VWC2: variants seen among roughly 807,000 people sequenced by gnomAD.
VWC2 encodes von Willebrand factor C domain containing 2.
Under a neutral mutation model 29.8 loss-of-function variants are expected in VWC2, and 14 were observed. The ratio of observed to expected loss-of-function variants is 0.47; its 90% CI spans 0.31 to 0.74. VWC2 has a LOEUF of 0.74. Ranked by LOEUF, VWC2 falls within the 30% of genes least tolerant of loss-of-function variation. The probability of loss-of-function intolerance (pLI) is 0.05; values close to 1 mark genes in which losing one functional copy is unlikely to be tolerated. For synonymous variants in VWC2, 213 were observed against 199.0 expected, an observed-to-expected ratio of 1.07 and a Z score of -0.59; for missense variants, 457 against 459.8, an observed-to-expected ratio of 0.99 and a Z score of 0.05.
chr7:49,833,092 G>A (rs976573544), intron 3 of VWC2, among the ~76,000 whole-genome samples: 2 of 152,164 alleles, frequency 1.3e-5, no homozygotes, highest in Non-Finnish European at 2.9e-5. Flanking sequence ...AAGACGTGCT[G>A]ATGCATTGCA....
intron 3 of VWC2, among the ~76,000 whole-genome samples, chr7:49,866,847 A>T (rs1790913047): frequency 6.6e-6 from 1 of 152,218 alleles, no homozygotes; most frequent in Non-Finnish European, 1.5e-5. Flanking sequence ...CTTTCAACTC[A>T]GACAACCCGA....
intron 3 of VWC2, among the ~76,000 whole-genome samples, chr7:49,911,168 G>A (rs924489571): frequency 3.3e-5 from 5 of 152,276 alleles, no homozygotes; most frequent in African/African-American, 1.2e-4. Flanking sequence ...GTTAATGAAA[G>A]TCACAGTGTT....
chr7:49,827,084 A>G (rs1789411801), intron 3 of VWC2, among the ~76,000 whole-genome samples: 1 of 152,104 alleles, frequency 6.6e-6, no homozygotes, highest in Non-Finnish European at 1.5e-5. Context: ...GTTTTTACAT[A>G]TGCTTATTAC....
At chr7:49,778,509 T>A (rs1788100262) in intron 2 of VWC2, among the ~76,000 whole-genome samples, 1 of 152,244 alleles carries the variant, frequency 6.6e-6, no homozygotes, top group South Asian at 2.1e-4. Flanking sequence ...TTAGAGCATG[T>A]TTGCTCATTT....
intron 3 of VWC2, among the ~76,000 whole-genome samples, chr7:49,904,182 G>C (rs1176933260): frequency 6.6e-6 from 1 of 152,178 alleles, no homozygotes; most frequent in Non-Finnish European, 1.5e-5. Context: ...TATGTCTGCA[G>C]CTCAACTTTA....
chr7:49,873,516 C>T (rs573161676), intron 3 of VWC2, among the ~76,000 whole-genome samples: 1 of 152,318 alleles, frequency 6.6e-6, no homozygotes, highest in African/African-American at 2.4e-5. Flanking sequence ...CACAAACATT[C>T]AGACCATTGC....
Position 49,920,558 on chromosome 7 carries a change from G to C in VWC2, c.*8373G>C, listed in dbSNP as rs1011887590. The C allele has an allele frequency of 6.6e-6, 1 of 152,238 alleles. No homozygotes were observed. Among genetic ancestry groups the C allele is most frequent in the African/African-American group, 2.4e-5 (1 of 41,468 alleles). The allele number at this position is 152,238 out of a possible 1,614,324, so 9.4% of individuals were successfully genotyped here. On this transcript the variant is annotated 3_prime_UTR_variant, in exon 4 of 4. Transcript: ENST00000340652. Reference sequence around the variant, plus strand: ...GTCCACGGAAAGCTGGACCTAAGCAGTGAAGGATGTAAGGGAACAGAGAGA... The same window carrying C: ...GTCCACGGAAAGCTGGACCTAAGCACTGAAGGATGTAAGGGAACAGAGAGA...
chr7:49,841,947 T>C (rs34907750), intron 3 of VWC2, among the ~76,000 whole-genome samples: 32,864 of 151,830 alleles, frequency 0.22, 5,381 homozygotes, highest in African/African-American at 0.46. Flanking sequence ...GCTCACTGCA[T>C]CCTCCACCTC....
At chr7:49,854,695 T>C (rs547819505) in intron 3 of VWC2, among the ~76,000 whole-genome samples, 1 of 152,382 alleles carries the variant, frequency 6.6e-6, no homozygotes, top group African/African-American at 2.4e-5. Context: ...TTTCTTTTGC[T>C]GTGCAGAAGC....
intron 3 of VWC2, among the ~76,000 whole-genome samples, chr7:49,803,467 T>A (rs1788793829): frequency 1.3e-5 from 2 of 152,224 alleles, no homozygotes; most frequent in African/African-American, 2.4e-5. Context: ...CCAGGCTGGC[T>A]GGGCCTGAGA....
At chr7:49,902,083 C>G (rs558864443) in intron 3 of VWC2, among the ~76,000 whole-genome samples, 1 of 151,942 alleles carries the variant, frequency 6.6e-6, no homozygotes, top group Admixed American at 6.5e-5. Context: ...CCATAAAAGT[C>G]GTAGAAGATC....
At chr7:49,884,686 C>G (rs755131651) in intron 3 of VWC2, among the ~76,000 whole-genome samples, 2 of 152,160 alleles carry the variant, frequency 1.3e-5, no homozygotes, top group Non-Finnish European at 2.9e-5. Flanking sequence ...TGCTGCCTGA[C>G]TGTGTCAACA....
intron 2 of VWC2, among the ~76,000 whole-genome samples, chr7:49,781,428 T>G (rs1189212660): frequency 6.6e-6 from 1 of 152,212 alleles, no homozygotes; most frequent in East Asian, 1.9e-4. Flanking sequence ...GAATCAATAT[T>G]TATCTAGTGC....
intron 3 of VWC2, among the ~76,000 whole-genome samples, chr7:49,883,232 T>A (rs1791750287): frequency 6.6e-6 from 1 of 152,074 alleles, no homozygotes; most frequent in South Asian, 2.1e-4. Context: ...AAGCGGAACC[T>A]AACCCAGGGA....
chr7:49,820,592 A>G (rs1789242166), intron 3 of VWC2, among the ~76,000 whole-genome samples: 1 of 152,232 alleles, frequency 6.6e-6, no homozygotes, highest in Admixed American at 6.5e-5. Context: ...ATGTTTCATT[A>G]GTAACATTTT....
intron 3 of VWC2, among the ~76,000 whole-genome samples, chr7:49,837,769 G>A (rs908532453): frequency 3.3e-5 from 5 of 152,140 alleles, no homozygotes; most frequent in East Asian, 1.9e-4. Flanking sequence ...TCCAGTAGCC[G>A]AGGGGGTGGA....
chr7:49,861,402 A>G (rs965112568), intron 3 of VWC2, among the ~76,000 whole-genome samples: 4 of 152,166 alleles, frequency 2.6e-5, no homozygotes, highest in Non-Finnish European at 5.9e-5. Flanking sequence ...CCCTTATCAA[A>G]TATATGATTT....
intron 3 of VWC2, among the ~76,000 whole-genome samples, chr7:49,883,324 G>A (rs994552800): frequency 5.9e-5 from 9 of 151,986 alleles, no homozygotes; most frequent in Non-Finnish European, 1.3e-4. Context: ...TTAGCAAGCT[G>A]CAATATTGAC....
rs1362039769 is a variant in VWC2 at position 49,920,919 on chromosome 7, T to C, written c.*8734T>C. Reference sequence around the variant, plus strand: ...ATAGGGGAAATGTACTAAAATGTTGTACTTATTACATTTATGAATTTCTGA... The same window carrying C: ...ATAGGGGAAATGTACTAAAATGTTGCACTTATTACATTTATGAATTTCTGA... On this transcript the variant is annotated 3_prime_UTR_variant, in exon 4 of 4. Coordinates refer to ENST00000340652, the MANE Select transcript of VWC2 (RefSeq NM_198570.5). 1 of 152,214 alleles carries C rather than the reference T, an allele frequency of 6.6e-6. No homozygotes were observed. Among genetic ancestry groups the C allele is most frequent in the African/African-American group, 2.4e-5 (1 of 41,456 alleles). 9.4% of individuals were successfully genotyped at this position (152,214 alleles called of 1,614,324 possible).
Sources: gnomAD v4.1 joint callset for allele counts (sites outside exome capture counted in the v4.1 genomes callset) on GRCh38, gnomAD v4.1.1 for gene constraint, MANE v1.5 for transcripts, NCBI Gene and HGNC (gene_info 2026-07-23, HGNC 2026-07-21) for gene names.